The following CREB5 variants were observed in gnomAD, a reference collection of about 807,000 sequenced individuals.
CREB5 encodes cAMP responsive element binding protein 5.
Under a neutral mutation model 57.1 loss-of-function variants are expected in CREB5, and 19 were observed. That is an observed-to-expected ratio of 0.33 (90% CI 0.23 to 0.49). The LOEUF is 0.49. Ranked by LOEUF, CREB5 falls within the 20% of genes least tolerant of loss-of-function variation. The pLI is 0.99. For missense variants in CREB5, 579 were observed against 671.6 expected (o/e 0.86, Z 1.52); for synonymous variants, 238 against 238.3 (o/e 1.00, Z 0.01).
rs192040043 is a variant in CREB5, at chr7:28,612,818, G to A, written c.464+42281G>A. 1.1e-4 allele frequency among the ~76,000 whole-genome samples: 17 copies of A among 152,220 alleles called. No individual in the cohort carries two copies. In the East Asian group the frequency reaches 1.4e-3, roughly 12 times the overall value. On this transcript the variant is annotated intron_variant, in intron 5 of 10. Transcript: ENST00000357727. ...AAATAATGTTGAATTGTTATTAGTC[G>A]AAGGGGAAAGAGAAGAGTGACTTTC... is the stretch of plus-strand genomic sequence containing the variant.
At chr7:28,686,081 G>A in intron 5 of CREB5, 6 of 1,559,622 alleles carry the variant, frequency 3.8e-6, no homozygotes, top group South Asian at 1.1e-5. Context: ...AATCAAATGG[G>A]AAGGATATGA....
rs556530798 is a variant in CREB5, at chr7:28,311,424, G to A, written c.-25+11983G>A. On this transcript the variant is annotated intron_variant, in intron 1 of 9. Coordinates refer to the CREB5 transcript ENST00000396299. ...CTGAGCAGTTAAAACCCTGGGCAGT[G>A]CTTTGAAAACATATCCCCCACTGTC... 4.6e-5 allele frequency among the ~76,000 whole-genome samples: 7 copies of A among 152,322 alleles called. 1 individual carries two copies. Among genetic ancestry groups the A allele is most frequent in the African/African-American group, 1.7e-4 (7 of 41,572 alleles).
intron 4 of CREB5, among the ~76,000 whole-genome samples, chr7:28,555,422 A>G (rs1258035271): frequency 5.9e-5 from 9 of 152,228 alleles, no homozygotes; most frequent in East Asian, 1.9e-4. Context: ...CCTTTTATCA[A>G]TGATTATAAA....
chr7:28,300,782 C>T (rs1785086838), intron 1 of CREB5, among the ~76,000 whole-genome samples: 1 of 152,078 alleles, frequency 6.6e-6, no homozygotes, highest in Non-Finnish European at 1.5e-5. Flanking sequence ...AACTTGGCTG[C>T]ACATTAAACT....
chr7:28,453,545 G>C (rs971453451), intron 1 of CREB5, among the ~76,000 whole-genome samples: 1 of 152,178 alleles, frequency 6.6e-6, no homozygotes, highest in Non-Finnish European at 1.5e-5. Flanking sequence ...TACATGAATG[G>C]CACTTGAGAG....
At chr7:28,377,946 C>G (rs56913907) in intron 1 of CREB5, among the ~76,000 whole-genome samples, 9 of 132,918 alleles carry the variant, frequency 6.8e-5, no homozygotes, top group Non-Finnish European at 1.2e-4. Context: ...AAAAAAAAAA[C>G]AAAAAAGAAA....
chr7:28,364,535 G>GA (rs1391780084), intron 1 of CREB5, among the ~76,000 whole-genome samples: 2 of 152,138 alleles, frequency 1.3e-5, no homozygotes, highest in Admixed American at 6.5e-5. Flanking sequence ...CTTCATTACT[G>GA]ACATCACCAA....
intron 1 of CREB5, among the ~76,000 whole-genome samples, chr7:28,324,914 C>T (rs1785556958): frequency 6.6e-6 from 1 of 152,200 alleles, no homozygotes; most frequent in Non-Finnish European, 1.5e-5. Flanking sequence ...AGCCAAAAAT[C>T]TAGGAACTAT....
At chr7:28,627,715 C>T (rs1798054115) in intron 5 of CREB5, among the ~76,000 whole-genome samples, 1 of 152,086 alleles carries the variant, frequency 6.6e-6, no homozygotes, top group Non-Finnish European at 1.5e-5. Flanking sequence ...TCTAAGGGCC[C>T]CCTCTACCCC....
intron 1 of CREB5, among the ~76,000 whole-genome samples, chr7:28,322,319 T>C (rs1027165088): frequency 2.0e-5 from 3 of 152,194 alleles, no homozygotes; most frequent in African/African-American, 7.2e-5. Flanking sequence ...TCTTTTCCAA[T>C]TAATCATCTT....
intron 5 of CREB5, among the ~76,000 whole-genome samples, chr7:28,715,481 TTAAA>T: frequency 6.6e-6 from 1 of 152,356 alleles, no homozygotes; most frequent in Non-Finnish European, 1.5e-5. Context: ...GTATAATGTA[TTAAA>T]TAATAATTCT....
chr7:28,819,276 T>C lies in CREB5; in HGVS notation c.1524T>C (p.Leu508=). 1.2e-6 allele frequency: 2 copies of C among 1,612,938 alleles called. No individual in the cohort carries two copies. Among genetic ancestry groups the C allele is most frequent in the Non-Finnish European group, 8.5e-7 (1 of 1,179,420 alleles). ...TTHRTDLNPI[L] The stretch of plus-strand genomic sequence containing the variant: ...ACAGAACAGACCTGAATCCGATTCT[T>C]TAAAATGCACCATCAGACCTGGCCT... The change falls in exon 11 of 11, where the codon CTT becomes CTC. Residue 508 remains leucine, a synonymous_variant. Coordinates refer to ENST00000357727, the MANE Select transcript of CREB5 (RefSeq NM_182898.4).
rs561312899 is a variant in CREB5, at chr7:28,549,155, T to C, written c.292-21210T>C. 9.2e-5 allele frequency among the ~76,000 whole-genome samples: 14 copies of C among 152,316 alleles called. No homozygotes were observed. The South Asian group carries it at 2.9e-3, about 32-fold the overall frequency. On this transcript the variant is annotated intron_variant, in intron 4 of 10. Coordinates refer to ENST00000357727, the MANE Select transcript of CREB5 (RefSeq NM_182898.4). The stretch of plus-strand genomic sequence containing the variant: ...TTTCCATTCCACATTTATTTTTGCA[T>C]GATGTTGGCTTTTAACAGCAATTGC...
intron 1 of CREB5, among the ~76,000 whole-genome samples, chr7:28,419,738 T>C (rs1192299033): frequency 6.6e-6 from 1 of 152,200 alleles, no homozygotes; most frequent in African/African-American, 2.4e-5. Context: ...CAAATATCTA[T>C]TTGTAACATT....
chr7:28,481,247 T>C (rs529806283), intron 1 of CREB5, among the ~76,000 whole-genome samples: 1 of 152,176 alleles, frequency 6.6e-6, no homozygotes, highest in Non-Finnish European at 1.5e-5. Flanking sequence ...CTAAGCATAA[T>C]ATAAAGTGTG....
chr7:28,646,354 A>C (rs189022108), intron 5 of CREB5, among the ~76,000 whole-genome samples: 1 of 152,206 alleles, frequency 6.6e-6, no homozygotes, highest in South Asian at 2.1e-4. Flanking sequence ...TTAGGGGGAA[A>C]AAAAACAAAA....
rs1800390089 is a variant in CREB5, at chr7:28,677,860, G to T, written c.465-40893G>T. 3.9e-5 allele frequency among the ~76,000 whole-genome samples: 6 copies of T among 152,044 alleles called. No homozygotes were observed. In the South Asian group the frequency reaches 1.2e-3, roughly 32 times the overall value. On this transcript the variant is annotated intron_variant, in intron 5 of 10. Coordinates refer to ENST00000357727, the MANE Select transcript of CREB5 (RefSeq NM_182898.4). Reference sequence around the variant, plus strand: ...GCCTGTGAACAGCCACTTCACTCCAGCCTGGGCAATGCAGTGAGACCCCAT... The same window carrying T: ...GCCTGTGAACAGCCACTTCACTCCATCCTGGGCAATGCAGTGAGACCCCAT...
At chr7:28,722,540 A>C (rs2237348) in intron 6 of CREB5, among the ~76,000 whole-genome samples, 25,366 of 152,242 alleles carry the variant, frequency 0.17, 2,701 homozygotes, top group Middle Eastern at 0.23. Context: ...AATGTACTTA[A>C]TGATACTTTT....
intron 5 of CREB5, among the ~76,000 whole-genome samples, chr7:28,655,752 G>T (rs180785384): frequency 6.6e-6 from 1 of 152,162 alleles, no homozygotes; most frequent in Admixed American, 6.5e-5. Flanking sequence ...GTTTCTGTTA[G>T]TCGTGTTATG....
Sources: allele counts gnomAD v4.1 joint callset (sites outside exome capture counted in the v4.1 genomes callset), GRCh38; gene constraint gnomAD v4.1.1; transcripts MANE v1.5; gene names NCBI Gene and HGNC (gene_info 2026-07-23, HGNC 2026-07-21).